Variants in C12orf75 observed in about 807,000 individuals in gnomAD.
The protein encoded by C12orf75 is overexpressed in colon carcinoma 1 protein.
In C12orf75, 4 loss-of-function variants were observed where a neutral mutation model predicts 11.4. The ratio of observed to expected loss-of-function variants is 0.35; its 90% CI spans 0.17 to 0.80. C12orf75 has a LOEUF of 0.80. Among genes scored for constraint, C12orf75 ranks in the 30% least tolerant of loss-of-function variants. The probability of loss-of-function intolerance (pLI) is 0.52; values close to 1 mark genes in which losing one functional copy is unlikely to be tolerated. For missense variants in C12orf75, 89 were observed against 80.4 expected, an observed-to-expected ratio of 1.11 and a Z score of -0.41; for synonymous variants, 30 against 30.0, an observed-to-expected ratio of 1.00 and a Z score of 0.00.
chr12:105,346,246 G>A (rs1190662662), intron 1 of C12orf75, among the ~76,000 whole-genome samples: 2 of 151,944 alleles, frequency 1.3e-5, no homozygotes, highest in Non-Finnish European at 2.9e-5. Flanking sequence ...TCCCCATAAC[G>A]TATGAAACCA....
intron 1 of C12orf75, among the ~76,000 whole-genome samples, chr12:105,345,956 GC>G (rs2136144140): frequency 6.6e-6 from 1 of 152,138 alleles, no homozygotes; most frequent in African/African-American, 2.4e-5. Context: ...GAGCCACCGT[GC>G]CCGGCCTAGC....
chr12:105,365,493 A>T (rs1209270356), intron 2 of C12orf75, among the ~76,000 whole-genome samples: 2 of 152,182 alleles, frequency 1.3e-5, no homozygotes, highest in East Asian at 3.9e-4. Context: ...CAAGACGATA[A>T]CTCAGGCTTC....
At chr12:105,347,916 C>G (rs994071359) in intron 1 of C12orf75, among the ~76,000 whole-genome samples, 3 of 152,132 alleles carry the variant, frequency 2.0e-5, no homozygotes, top group African/African-American at 7.2e-5. Flanking sequence ...CGTGCAGACA[C>G]CAACTTAAAA....
At chr12:105,340,872 A>G (rs1892564763) in intron 1 of C12orf75, among the ~76,000 whole-genome samples, 3 of 152,202 alleles carry the variant, frequency 2.0e-5, no homozygotes, top group Admixed American at 2.0e-4. Flanking sequence ...GGTGGAGCAG[A>G]GATGATGGGG....
At chr12:105,359,431 G>C (rs1340329470) in intron 2 of C12orf75, among the ~76,000 whole-genome samples, 3 of 152,046 alleles carry the variant, frequency 2.0e-5, no homozygotes, top group Non-Finnish European at 2.9e-5. Context: ...TCTGGGCATT[G>C]CTTCCTGAAT....
intron 1 of C12orf75, among the ~76,000 whole-genome samples, chr12:105,345,670 T>TTTTTTTTC (rs1892630863): frequency 7.5e-6 from 1 of 132,548 alleles, no homozygotes; most frequent in Non-Finnish European, 1.6e-5. Flanking sequence ...TTTTTTTTTT[T>TTTTTTTTC]TTTTTTTTTG....
chr12:105,331,615 C>T (rs1318267957), intron 1 of C12orf75, among the ~76,000 whole-genome samples: 1 of 151,818 alleles, frequency 6.6e-6, no homozygotes, highest in Non-Finnish European at 1.5e-5. Context: ...CACACACACA[C>T]ACACACACAA....
intron 5 of C12orf75, 65 bp from the exon 6 acceptor site, chr12:105,370,569 T>C (rs1341320547): frequency 4.8e-5 from 22 of 457,588 alleles, no homozygotes; most frequent in Non-Finnish European, 8.4e-5. Context: ...TTAAGGCTAA[T>C]ACATTTTTTA....
intron 2 of C12orf75, among the ~76,000 whole-genome samples, chr12:105,360,844 C>T (rs1039325475): frequency 1.3e-5 from 2 of 152,052 alleles, no homozygotes; most frequent in Non-Finnish European, 2.9e-5. Context: ...GGCGCGATCT[C>T]GGCTCACTGC....
At chr12:105,349,020 C>T (rs1892677778) in intron 2 of C12orf75, among the ~76,000 whole-genome samples, 1 of 152,110 alleles carries the variant, frequency 6.6e-6, no homozygotes, top group African/African-American at 2.4e-5. Context: ...AAGCAGTTAC[C>T]AAGTGTACAT....
chr12:105,331,751 A>G (rs756885978), intron 1 of C12orf75, among the ~76,000 whole-genome samples: 2 of 152,020 alleles, frequency 1.3e-5, no homozygotes, highest in Non-Finnish European at 2.9e-5. Flanking sequence ...CACCCTGCCT[A>G]TGTCTCGGGA....
intron 2 of C12orf75, among the ~76,000 whole-genome samples, chr12:105,355,042 G>A (rs530993664): frequency 6.6e-6 from 1 of 152,052 alleles, no homozygotes; most frequent in Non-Finnish European, 1.5e-5. Context: ...ATAGTTCCAG[G>A]AACTATACTC....
chr12:105,366,140 C>T (rs1304653277), intron 3 of C12orf75: 2 of 399,356 alleles, frequency 5.0e-6, no homozygotes, highest in Admixed American at 4.1e-5. Context: ...TCTCAGCCTT[C>T]CCTGTCCTCC....
intron 5 of C12orf75, among the ~76,000 whole-genome samples, chr12:105,369,379 A>G (rs552367886): frequency 6.6e-6 from 1 of 151,518 alleles, no homozygotes; most frequent in South Asian, 2.1e-4. Flanking sequence ...TCTCTCCTCA[A>G]CTTTCCCCAT....
chr12:105,357,908 G>C (rs960808376), intron 2 of C12orf75, among the ~76,000 whole-genome samples: 1 of 151,912 alleles, frequency 6.6e-6, no homozygotes, highest in Non-Finnish European at 1.5e-5. Flanking sequence ...GCAGTGGTGC[G>C]ATCATGACTC....
chr12:105,368,619 T>C (rs1255794596), intron 5 of C12orf75, among the ~76,000 whole-genome samples: 1 of 152,206 alleles, frequency 6.6e-6, no homozygotes, highest in Non-Finnish European at 1.5e-5. Flanking sequence ...CAAGACTGAT[T>C]TGATACTGAA....
At position 105,342,778 on chromosome 12, in the gene C12orf75, G is replaced by A. The variant is rs185902112; in HGVS notation, c.47-5824G>A. Among the ~76,000 whole-genome samples, 72 of 152,236 alleles carry A rather than the reference G, an allele frequency of 4.7e-4. 1 individual carries two copies. Among genetic ancestry groups the A allele is most frequent in the African/African-American group, 1.6e-3 (67 of 41,532 alleles). ...CACTCATCACTCAGGAAATTCCAGGGGTTTTAGGAGCTCTGTGCCAGGAAC... is the reference window on the plus strand; with the variant it reads ...CACTCATCACTCAGGAAATTCCAGGAGTTTTAGGAGCTCTGTGCCAGGAAC... On this transcript the variant is annotated intron_variant, in intron 1 of 5. Coordinates refer to ENST00000443585, the MANE Select transcript of C12orf75 (RefSeq NM_001145199.2).
chr12:105,363,871 T>C (rs946109948), intron 2 of C12orf75, among the ~76,000 whole-genome samples: 6 of 152,184 alleles, frequency 3.9e-5, no homozygotes, highest in African/African-American at 1.4e-4. Context: ...ACATGTAAGG[T>C]TGTTGATTAA....
intron 2 of C12orf75, among the ~76,000 whole-genome samples, chr12:105,364,033 T>C (rs1291389679): frequency 6.6e-6 from 1 of 152,180 alleles, no homozygotes; most frequent in Non-Finnish European, 1.5e-5. Context: ...GGGGAAAGAA[T>C]TAAAATAAAC....
Sources: gnomAD v4.1 joint callset for allele counts (sites outside exome capture counted in the v4.1 genomes callset) on GRCh38, gnomAD v4.1.1 for gene constraint, MANE v1.5 for transcripts, NCBI Gene and HGNC (gene_info 2026-07-23, HGNC 2026-07-21) for gene names.